CRYZL1: variants seen among roughly 807,000 people sequenced by gnomAD.
The protein encoded by CRYZL1 is crystallin zeta like 1.
CRYZL1 carries 34 observed loss-of-function variants against 50.6 expected under a neutral mutation model. The observed-to-expected ratio is 0.67, with a 90% CI of 0.51 to 0.89. The LOEUF (loss-of-function observed/expected upper bound fraction) is 0.89. CRYZL1 is among the 40% of genes least tolerant of loss of function. The probability of loss-of-function intolerance (pLI) is 0.00; values close to 1 mark genes in which losing one functional copy is unlikely to be tolerated. For missense variants in CRYZL1, 354 were observed against 402.3 expected (o/e 0.88, Z 1.03); for synonymous variants, 125 against 134.3 (o/e 0.93, Z 0.48).
chr21:33,596,548 G>A (rs955587907), intron 10 of CRYZL1, among the ~76,000 whole-genome samples: 7 of 152,112 alleles, frequency 4.6e-5, no homozygotes, highest in Admixed American at 4.6e-4. Context: ...TGAGGCAGGA[G>A]AATCGCTTGA....
intron 1 of CRYZL1, chr21:33,641,179 A>T: frequency 6.4e-7 from 1 of 1,550,454 alleles, no homozygotes; most frequent in Non-Finnish European, 8.7e-7. Context: ...CGATGCTTAC[A>T]TCTCGCTCCA....
At position 33,641,244 on chromosome 21, in the gene CRYZL1, T is replaced by C. The variant is rs1299603012; in HGVS notation, c.-7+437A>G. ...GGGCCGATCTGGCTCAAAAGCCACA[T>C]ACAGCGAATAACTACTAACTGCTTT... is the stretch of plus-strand genomic sequence containing the variant. On this transcript the variant is annotated intron_variant, in intron 1 of 12. Coordinates refer to ENST00000381554, the MANE Select transcript of CRYZL1 (RefSeq NM_145858.3). The C allele has an allele frequency of 5.2e-6, 8 of 1,550,624 alleles. No individual in the cohort carries two copies. In the East Asian group the frequency reaches 1.2e-4, roughly 24 times the overall value.
At chr21:33,599,621 G>A (rs912580514) in intron 8 of CRYZL1, among the ~76,000 whole-genome samples, 2 of 128,880 alleles carry the variant, frequency 1.6e-5, no homozygotes, top group African/African-American at 6.0e-5. Flanking sequence ...ACATGAAATG[G>A]AAGATTAAGT....
chr21:33,591,397 T>G (rs925996997), intron 11 of CRYZL1, 190 bp from the exon 12 acceptor site: 3 of 601,564 alleles, frequency 5.0e-6, no homozygotes, highest in African/African-American at 3.7e-5. Context: ...GATTTGAGAG[T>G]TGGTGGTGTA....
intron 5 of CRYZL1, among the ~76,000 whole-genome samples, chr21:33,613,884 C>T (rs2086899263): frequency 6.6e-6 from 1 of 152,108 alleles, no homozygotes; most frequent in African/African-American, 2.4e-5. Context: ...TAAAACTCTC[C>T]CTGATGGGCT....
chr21:33,641,484 A>C (rs1334546878), intron 1 of CRYZL1, among the ~76,000 whole-genome samples, 197 bp downstream of exon 1: 1 of 152,200 alleles, frequency 6.6e-6, no homozygotes, highest in African/African-American at 2.4e-5. Flanking sequence ...AAGGTCCAGG[A>C]AACTGTCCCT....
intron 8 of CRYZL1, among the ~76,000 whole-genome samples, chr21:33,599,730 C>CA (rs531700743): frequency 9.2e-4 from 139 of 151,850 alleles, no homozygotes; most frequent in African/African-American, 3.1e-3. Context: ...CTCCTGGGTT[C>CA]AAGCAATCCT....
chr21:33,619,989 C>T (rs1421522435), intron 4 of CRYZL1, among the ~76,000 whole-genome samples: 1 of 152,148 alleles, frequency 6.6e-6, no homozygotes, highest in Admixed American at 6.5e-5. Flanking sequence ...TTTGTCTCTC[C>T]CCTAGAGAGT....
intron 9 of CRYZL1, 28 bp downstream of exon 9, chr21:33,599,122 C>T (rs977631547): frequency 1.2e-6 from 2 of 1,603,330 alleles, no homozygotes; most frequent in Non-Finnish European, 1.7e-6. Flanking sequence ...AAAAACTACA[C>T]AGGCTACTAA....
intron 10 of CRYZL1, 101 bp from the exon 11 acceptor site, chr21:33,595,937 T>C (rs1323892740): frequency 1.3e-6 from 1 of 750,792 alleles, no homozygotes. Flanking sequence ...TTAAATGATG[T>C]CCAAATCACA....
intron 11 of CRYZL1, among the ~76,000 whole-genome samples, chr21:33,592,139 A>C (rs1331327091): frequency 1.1e-4 from 16 of 147,804 alleles, no homozygotes; most frequent in Non-Finnish European, 3.0e-5. Context: ...TTACTTTTTC[A>C]GAGCTTTTTT....
chr21:33,615,486 A>G lies in CRYZL1; in HGVS notation c.262+1220T>C, dbSNP rs2086920242. ...TGGCCCTATATAATACAAGTTATAT[A>G]AATGTTTTCTAACTTTATGTCTTCC... On this transcript the variant is annotated intron_variant, in intron 5 of 12. Transcript: ENST00000381554. Among the ~76,000 whole-genome samples, 3 of 152,222 alleles carry G rather than the reference A, an allele frequency of 2.0e-5. No individual in the cohort carries two copies. The South Asian group carries it at 6.2e-4, about 32-fold the overall frequency.
At chr21:33,637,741 C>G (rs931344739) in intron 1 of CRYZL1, among the ~76,000 whole-genome samples, 3 of 143,150 alleles carry the variant, frequency 2.1e-5, no homozygotes, top group African/African-American at 7.7e-5. Context: ...TATATATAAA[C>G]AGCTACACAA....
chr21:33,635,099 A>C (rs956813811), intron 1 of CRYZL1, among the ~76,000 whole-genome samples: 3 of 151,818 alleles, frequency 2.0e-5, no homozygotes, highest in African/African-American at 7.2e-5. Context: ...AAAACTGAGG[A>C]AATATTTGTC....
intron 2 of CRYZL1, among the ~76,000 whole-genome samples, chr21:33,629,430 T>G (rs898622349): frequency 6.6e-6 from 1 of 152,080 alleles, no homozygotes; most frequent in African/African-American, 2.4e-5. Context: ...CCCGGCTAAT[T>G]TTTTGTATTT....
intron 11 of CRYZL1, among the ~76,000 whole-genome samples, chr21:33,592,553 A>C (rs2086654189): frequency 1.3e-5 from 2 of 152,224 alleles, no homozygotes; most frequent in African/African-American, 4.8e-5. Flanking sequence ...CAAAGAAAAA[A>C]TCTATCTTGC....
chr21:33,603,004 G>T (rs2086772028), intron 7 of CRYZL1, among the ~76,000 whole-genome samples: 1 of 152,118 alleles, frequency 6.6e-6, no homozygotes, highest in South Asian at 2.1e-4. Flanking sequence ...TTTAAATTAG[G>T]ACGTGTTGAT....
intron 2 of CRYZL1, 89 bp from the exon 3 acceptor site, chr21:33,624,849 T>C: frequency 6.7e-7 from 1 of 1,486,012 alleles, no homozygotes; most frequent in Non-Finnish European, 8.9e-7. Context: ...TACATGTAAT[T>C]AAACAAAATT....
intron 2 of CRYZL1, among the ~76,000 whole-genome samples, chr21:33,630,333 C>T (rs1180519759): frequency 6.6e-6 from 1 of 152,166 alleles, no homozygotes; most frequent in Non-Finnish European, 1.5e-5. Context: ...TGCCTATAAT[C>T]CTAGCACTTT....
Sources: allele counts gnomAD v4.1 joint callset (sites outside exome capture counted in the v4.1 genomes callset), GRCh38; gene constraint gnomAD v4.1.1; transcripts MANE v1.5; gene names NCBI Gene and HGNC (gene_info 2026-07-23, HGNC 2026-07-21).